The following DNAH7 variants were observed in gnomAD, a reference collection of about 807,000 sequenced individuals.
DNAH7 encodes dynein axonemal heavy chain 7, also known as axonemal beta dynein heavy chain 7.
DNAH7 carries 397 observed loss-of-function variants against 444.6 expected under a neutral mutation model. The observed-to-expected ratio is 0.89, with a 90% confidence interval of 0.82 to 0.97. The LOEUF (loss-of-function observed/expected upper bound fraction) is 0.97, where lower values mean the gene tolerates loss of function less well. Among genes scored for constraint, DNAH7 ranks in the 50% least tolerant of loss-of-function variants. The pLI is 0.00. For synonymous variants in DNAH7, 1,636 were observed against 1,624.4 expected (o/e 1.01, Z -0.17); for missense variants, 4,902 against 4,800.8 (o/e 1.02, Z -0.62).
intron 28 of DNAH7, 55 bp from the exon 29 acceptor site, chr2:195,897,820 C>T: frequency 9.7e-7 from 1 of 1,035,756 alleles, no homozygotes; most frequent in Non-Finnish European, 1.4e-6. Context: ...ACAGCACCTA[C>T]CCGCTTCGTG....
intron 48 of DNAH7, 103 bp from the exon 49 acceptor site, chr2:195,824,548 G>T: frequency 3.1e-6 from 3 of 966,738 alleles, no homozygotes; most frequent in African/African-American, 1.7e-5. Flanking sequence ...GATAAATTCT[G>T]TTCCTAGATA....
chr2:195,858,188 T>C (rs774395561), intron 43 of DNAH7, among the ~76,000 whole-genome samples: 1 of 152,226 alleles, frequency 6.6e-6, no homozygotes, highest in Non-Finnish European at 1.5e-5. Flanking sequence ...CTTATGTCTT[T>C]GTTGATTACT....
intron 61 of DNAH7, among the ~76,000 whole-genome samples, chr2:195,758,516 G>A (rs909802377): frequency 4.6e-5 from 7 of 152,076 alleles, no homozygotes; most frequent in Non-Finnish European, 8.8e-5. Flanking sequence ...TCCACAAATC[G>A]TCCTCCCTGC....
At chr2:195,756,339 A>G in intron 61 of DNAH7, 54 bp from the exon 62 acceptor site, 1 of 1,421,134 alleles carries the variant, frequency 7.0e-7, no homozygotes, top group Non-Finnish European at 9.4e-7. Context: ...GATAGATTAT[A>G]AGCAACCACC....
At chr2:196,059,938 G>A (rs1698042248) in intron 1 of DNAH7, among the ~76,000 whole-genome samples, 1 of 152,138 alleles carries the variant, frequency 6.6e-6, no homozygotes, top group African/African-American at 2.4e-5. Context: ...GTTTCTGGCT[G>A]GGCGCAGTGG....
At chr2:196,027,364 T>C (rs1695753748) in intron 6 of DNAH7, among the ~76,000 whole-genome samples, 1 of 151,974 alleles carries the variant, frequency 6.6e-6, no homozygotes, top group South Asian at 2.1e-4. Context: ...TTAGGACATT[T>C]CCAACTGGCC....
chr2:195,838,752 C>A (rs1439786714), intron 47 of DNAH7, among the ~76,000 whole-genome samples: 1 of 151,654 alleles, frequency 6.6e-6, no homozygotes, highest in Admixed American at 6.6e-5. Flanking sequence ...AAAAGATATA[C>A]CATGAAAACA....
At chr2:195,831,466 C>A (rs1224638345) in intron 48 of DNAH7, among the ~76,000 whole-genome samples, 2 of 152,120 alleles carry the variant, frequency 1.3e-5, no homozygotes, top group African/African-American at 4.8e-5. Flanking sequence ...CTGAAGAGGC[C>A]AATATCTAAA....
At position 196,027,987 on chromosome 2, in the gene DNAH7, G is replaced by A. The variant is rs191590262; in HGVS notation, c.459C>T (p.Thr153=). ...VPDGSTIPKP[T]ASAIEKDILR... is the part of the protein sequence containing the mutation. Reference sequence around the variant, plus strand: ...AGATGTCTTTCTCTATAGCAGAAGCGGTCGGTTTTGGAATTGTGCTTCCAT... The same window carrying A: ...AGATGTCTTTCTCTATAGCAGAAGCAGTCGGTTTTGGAATTGTGCTTCCAT... Residue 153 remains threonine, a synonymous_variant, in exon 6 of 65, where the codon ACC becomes ACT. Transcript: ENST00000312428. The A allele has an allele frequency of 4.6e-5, 74 of 1,612,074 alleles. No homozygotes were observed. Among genetic ancestry groups the A allele is most frequent in the South Asian group, 1.8e-4 (16 of 90,810 alleles).
intron 5 of DNAH7, among the ~76,000 whole-genome samples, chr2:196,044,005 A>T (rs1696937349): frequency 6.6e-6 from 1 of 152,132 alleles, no homozygotes; most frequent in South Asian, 2.1e-4. Flanking sequence ...GAGATTCCTT[A>T]AAGAACTAAA....
At chr2:195,824,557 T>C (rs1697628113) in intron 48 of DNAH7, 112 bp from the exon 49 acceptor site, 2 of 899,608 alleles carry the variant, frequency 2.2e-6, no homozygotes, top group Non-Finnish European at 3.2e-6. Context: ...TGTTCCTAGA[T>C]ACCTACAAAA....
chr2:195,934,318 G>T (rs1170522018), intron 21 of DNAH7, among the ~76,000 whole-genome samples: 1 of 152,146 alleles, frequency 6.6e-6, no homozygotes, highest in African/African-American at 2.4e-5. Context: ...AATGATGAAA[G>T]CACTAGCATG....
rs1198282111 is a variant in DNAH7, at chr2:195,906,968, A to G, written c.4146T>C (p.Phe1382=). The G allele has an allele frequency of 6.2e-7, 1 of 1,613,260 alleles. No homozygotes were observed. The highest frequency in any genetic ancestry group is 1.1e-5 in the South Asian group (1 of 91,030). The change falls in exon 26 of 65, where the codon TTT becomes TTC. Residue 1382 remains phenylalanine (F), a synonymous_variant. Transcript: ENST00000312428. ...AGAGTACTTCCAAATCAATTCTGTT[A>G]AACTCATCAAAGCAAGCCCAGGCTC... ...SCGAWACFDE[F]NRIDLEVLSV...
At position 195,846,105 on chromosome 2, in the gene DNAH7, T is replaced by C. The variant is rs552573048; in HGVS notation, c.8782-940A>G. Among the ~76,000 whole-genome samples the C allele has an allele frequency of 3.3e-5, 5 of 152,308 alleles. No homozygotes were observed. In the South Asian group the frequency reaches 8.3e-4, roughly 25 times the overall value. ...AATGGGGAGAAACATTTGCAAACTA[T>C]GCATCTGACAAAGGTCAATATATCT... On this transcript the variant is annotated intron_variant, in intron 46 of 64. Coordinates refer to ENST00000312428, the MANE Select transcript of DNAH7 (RefSeq NM_018897.3).
chr2:195,926,379 C>G (rs755019179), intron 22 of DNAH7, 47 bp downstream of exon 22: 1 of 1,419,106 alleles, frequency 7.0e-7, no homozygotes, highest in Non-Finnish European at 9.3e-7. Flanking sequence ...GGCAATAATA[C>G]TATTGAAAAA....
At chr2:195,773,347 T>C (rs1426435029) in intron 60 of DNAH7, among the ~76,000 whole-genome samples, 2 of 152,042 alleles carry the variant, frequency 1.3e-5, no homozygotes, top group Non-Finnish European at 2.9e-5. Flanking sequence ...TTTCCAGTAG[T>C]ATTTTGGTGT....
chr2:195,881,808 CT>C lies in DNAH7; in HGVS notation c.5947del (p.Ser1983ValfsTer9), dbSNP rs745449105. ...IFVGPTGTGK[S>X]VYITNFLLNQ... Reference sequence around the variant, plus strand: ...TGCAGTACTTACCGTAATGTAAACACTTTTCCCAGTTCCTGTTGGTCCTACA... The same window carrying C: ...TGCAGTACTTACCGTAATGTAAACACTTTCCCAGTTCCTGTTGGTCCTACA... On this transcript the variant is annotated frameshift_variant, in exon 36 of 65. Transcript: ENST00000312428. LOFTEE classifies it high-confidence loss of function. The C allele has an allele frequency of 3.1e-6, 5 of 1,613,858 alleles. No homozygotes were observed. The highest frequency in any genetic ancestry group is 4.2e-6 in the Non-Finnish European group (5 of 1,179,894).
At chr2:195,994,860 T>G in intron 12 of DNAH7, 1 of 422,990 alleles carries the variant, frequency 2.4e-6, no homozygotes, top group South Asian at 2.1e-5. Context: ...GCTTGGTTGC[T>G]TCTTTTGACA....
intron 12 of DNAH7, among the ~76,000 whole-genome samples, chr2:195,997,336 AC>A (rs1251926646): frequency 6.6e-6 from 1 of 151,964 alleles, no homozygotes; most frequent in East Asian, 1.9e-4. Context: ...ACCTGGTGAA[AC>A]CCCGTCTCTA....
Sources: gnomAD v4.1 joint callset for allele counts (sites outside exome capture counted in the v4.1 genomes callset) on GRCh38, gnomAD v4.1.1 for gene constraint, MANE v1.5 for transcripts, NCBI Gene and HGNC (gene_info 2026-07-23, HGNC 2026-07-21) for gene names.